Variants in OTOG observed in about 807,000 individuals in gnomAD.
OTOG encodes the protein otogelin.
In OTOG, 296 loss-of-function variants were observed where a neutral mutation model predicts 313.8. The observed-to-expected ratio is 0.94, with a 90% CI of 0.86 to 1.04. The LOEUF (loss-of-function observed/expected upper bound fraction) is 1.04, where lower values mean the gene tolerates loss of function less well. Ranked by LOEUF, OTOG falls within the 50% of genes least tolerant of loss-of-function variation. The pLI is 0.00. For missense variants in OTOG, 3,948 were observed against 3,840.1 expected, an observed-to-expected ratio of 1.03 and a Z score of -0.74; for synonymous variants, 1,533 against 1,554.9, an observed-to-expected ratio of 0.99 and a Z score of 0.33.
In OTOG at chr11:17,610,933, T is replaced by C; in HGVS notation, c.5633T>C (p.Leu1878Pro). 1 of 1,550,090 alleles carries C rather than the reference T, an allele frequency of 6.5e-7. No individual in the cohort carries two copies. ...GCAGGCACAGCTCCAGGCCTGCTGC[T>C]GGGAGCCACATTGCCAACCTCTGGA... ...PAAGTAPGLL[L>P]GATLPTSGVL... Residue 1878 changes from leucine (L) to proline (P), a missense_variant, in exon 36 of 56, where the codon CTG becomes CCG. Coordinates refer to ENST00000399397, the MANE Select transcript of OTOG (RefSeq NM_001292063.2).
At chr11:17,621,425 A>G (rs1853861496) in intron 39 of OTOG, among the ~76,000 whole-genome samples, 2 of 151,908 alleles carry the variant, frequency 1.3e-5, no homozygotes, top group Admixed American at 1.3e-4. Flanking sequence ...AGGTTTTTCT[A>G]CTATTCTCAG....
rs528476168 is a variant in OTOG at position 17,634,743 on chromosome 11, G to T, written c.7481-101G>T. 11 of 973,968 alleles carry T rather than the reference G, an allele frequency of 1.1e-5. No homozygotes were observed. In the South Asian group the frequency reaches 1.4e-4, roughly 13 times the overall value. 60.3% of individuals were successfully genotyped at this position (973,968 alleles called of 1,614,324 possible). A position where few individuals can be genotyped will look rare whatever the true frequency, so the allele number is the denominator to read the frequency against. On this transcript the variant is annotated intron_variant, in intron 44 of 55. Coordinates refer to ENST00000399397, the MANE Select transcript of OTOG (RefSeq NM_001292063.2). Reference sequence around the variant, plus strand: ...CCTGGGGGCTGGGGGGAGGAGTGGGGCCAGGCGTCCAGGGGTTGGGCAGTT... The same window carrying T: ...CCTGGGGGCTGGGGGGAGGAGTGGGTCCAGGCGTCCAGGGGTTGGGCAGTT...
chr11:17,609,176 G>T lies in OTOG; in HGVS notation c.4321G>T (p.Glu1441Ter). ...PVCPTPQVLD[E>*]VTQRCVYLED... ...GTGCCCCACCCCCCAGGTCCTGGATGAAGTCACACAGAGATGTGTCTACTT... is the reference window on the plus strand; with the variant it reads ...GTGCCCCACCCCCCAGGTCCTGGATTAAGTCACACAGAGATGTGTCTACTT... The change falls in exon 35 of 56, where the codon GAA becomes TAA. Residue 1441 changes from glutamate to a stop codon, truncating the protein, a stop_gained. Coordinates refer to ENST00000399397, the MANE Select transcript of OTOG (RefSeq NM_001292063.2). LOFTEE classifies it high-confidence loss of function. 6.4e-7 allele frequency: 1 copy of T among 1,550,570 alleles called. No individual in the cohort carries two copies. Among genetic ancestry groups the T allele is most frequent in the Non-Finnish European group, 8.7e-7 (1 of 1,146,944 alleles).
chr11:17,639,026 C>T (rs955677900), intron 48 of OTOG: 1 of 330,866 alleles, frequency 3.0e-6, no homozygotes, highest in Admixed American at 4.0e-5. Context: ...GCACTCCAGC[C>T]TGGGCGACAG....
chr11:17,600,897 A>G (rs555575012), intron 31 of OTOG, among the ~76,000 whole-genome samples: 1 of 151,732 alleles, frequency 6.6e-6, no homozygotes, highest in Middle Eastern at 3.4e-3. Flanking sequence ...TTCTACTAGC[A>G]TTTGCTCTGG....
chr11:17,612,058 C>T, intron 36 of OTOG, 104 bp from the exon 37 acceptor site: 1 of 1,363,160 alleles, frequency 7.3e-7, no homozygotes, highest in South Asian at 1.3e-5. Flanking sequence ...AGGTCCCCTG[C>T]CCCGCTAGGA....
At chr11:17,607,002 G>A (rs1351717846) in intron 33 of OTOG, among the ~76,000 whole-genome samples, 1 of 152,234 alleles carries the variant, frequency 6.6e-6, no homozygotes, top group East Asian at 1.9e-4. Context: ...CATGAGCCCA[G>A]GCTTTGAAGC....
In OTOG at chr11:17,609,743, G is replaced by A; in HGVS notation, c.4443G>A (p.Glu1481=). Residue 1481 remains glutamate (E), a synonymous_variant, in exon 36 of 56, where the codon GAG becomes GAA. Coordinates refer to ENST00000399397, the MANE Select transcript of OTOG (RefSeq NM_001292063.2). The part of the protein sequence containing the change: ...PSQGLPTPSD[E]EPQLSQESPR... ...AAGGGTTGCCCACTCCCAGTGATGA[G>A]GAGCCACAGCTGTCACAGGAAAGCC... The A allele has an allele frequency of 6.5e-7, 1 of 1,548,220 alleles. No homozygotes were observed.
Position 17,634,968 on chromosome 11 carries a change from G to GGT in OTOG, c.7585+20_7585+21insGT. 3 of 1,389,770 alleles carry GGT rather than the reference G, an allele frequency of 2.2e-6. No individual in the cohort carries two copies. Among genetic ancestry groups the GGT allele is most frequent in the Non-Finnish European group, 3.0e-6 (3 of 1,003,334 alleles). 86.1% of individuals were successfully genotyped at this position (1,389,770 alleles called of 1,614,324 possible). A position where few individuals can be genotyped will look rare whatever the true frequency, so the allele number is the denominator to read the frequency against. On this transcript the variant is annotated intron_variant, in intron 45 of 55. Coordinates refer to ENST00000399397, the MANE Select transcript of OTOG (RefSeq NM_001292063.2). The stretch of plus-strand genomic sequence containing the variant: ...GCTGTGGTGAGAGGCCCGGGGTGGG[G>GGT]AGGGTGGGGGACGGACTGAGGGCAG...
chr11:17,593,167 A>G (rs1020812134), intron 25 of OTOG, 26 bp from the exon 26 acceptor site: 2 of 1,541,072 alleles, frequency 1.3e-6, no homozygotes, highest in African/African-American at 1.4e-5. Context: ...CCCTTGTTTT[A>G]TTGGACTCAC....
Position 17,609,978 on chromosome 11 carries a change from G to A in OTOG, c.4678G>A (p.Ala1560Thr). The change falls in exon 36 of 56, where the codon GCC (alanine) becomes ACC (threonine). Residue 1560 changes from alanine (A) to threonine (T), a missense_variant. Ala to Thr is a moderately conservative substitution (Grantham distance 58, BLOSUM62 0). Transcript: ENST00000399397. ...ASKGVTASLL[A>T]IPHTPESSSL... ...CAAGGGAGTGACTGCCAGCCTCCTGGCCATCCCCCATACACCAGAGTCCTC... is the reference window on the plus strand; with the variant it reads ...CAAGGGAGTGACTGCCAGCCTCCTGACCATCCCCCATACACCAGAGTCCTC... 6.5e-7 allele frequency: 1 copy of A among 1,542,808 alleles called. No individual in the cohort carries two copies. Among genetic ancestry groups the A allele is most frequent in the African/African-American group, 1.4e-5 (1 of 73,000 alleles).
intron 15 of OTOG, among the ~76,000 whole-genome samples, chr11:17,562,823 C>G (rs937884172): frequency 2.6e-5 from 4 of 152,186 alleles, no homozygotes; most frequent in Admixed American, 2.6e-4. Context: ...TTTTGTCCTT[C>G]CTTCTGCAAA....
intron 39 of OTOG, among the ~76,000 whole-genome samples, chr11:17,616,240 A>G (rs900548319): frequency 1.3e-5 from 2 of 152,076 alleles, no homozygotes; most frequent in Non-Finnish European, 2.9e-5. Flanking sequence ...AATTTTGTAT[A>G]GAGATGGGGT....
chr11:17,563,697 T>G (rs1034209379), intron 15 of OTOG, among the ~76,000 whole-genome samples: 1 of 151,826 alleles, frequency 6.6e-6, no homozygotes, highest in Non-Finnish European at 1.5e-5. Flanking sequence ...CCTTTTTTTT[T>G]GGAGACAGGA....
chr11:17,614,777 T>C (rs1483092315), intron 39 of OTOG, among the ~76,000 whole-genome samples: 1 of 152,248 alleles, frequency 6.6e-6, no homozygotes, highest in Non-Finnish European at 1.5e-5. Context: ...CCATAGTTTA[T>C]TTATCCATTA....
chr11:17,598,187 AG>A (rs1853158837), intron 30 of OTOG, among the ~76,000 whole-genome samples: 1 of 152,188 alleles, frequency 6.6e-6, no homozygotes, highest in South Asian at 2.1e-4. Flanking sequence ...GAGGTGATTG[AG>A]GTGCTTACCT....
chr11:17,612,159 C>T lies in OTOG; in HGVS notation c.6124-3C>T. ...ACTCACACTTCCTCCACTCTGTACC[C>T]AGCCAATCGCCGAGCAGGACTGCGT... On this transcript the variant is annotated splice_polypyrimidine_tract_variant and splice_region_variant and intron_variant, in intron 36 of 55. Transcript: ENST00000399397. 5 of 1,549,338 alleles carry T rather than the reference C, an allele frequency of 3.2e-6. No homozygotes were observed. The highest frequency in any genetic ancestry group is 4.4e-6 in the Non-Finnish European group (5 of 1,146,968).
At chr11:17,617,249 G>A (rs918745148) in intron 39 of OTOG, among the ~76,000 whole-genome samples, 3 of 152,054 alleles carry the variant, frequency 2.0e-5, no homozygotes, top group Non-Finnish European at 4.4e-5. Context: ...CCTTATGATA[G>A]GTATTAGTCT....
chr11:17,605,686 G>A (rs1327617910), intron 32 of OTOG, among the ~76,000 whole-genome samples, 171 bp from the exon 33 acceptor site: 2 of 152,168 alleles, frequency 1.3e-5, no homozygotes, highest in African/African-American at 4.8e-5. Flanking sequence ...GTGAGGGGCA[G>A]CTGGCAGGCA....
Sources: gnomAD v4.1 joint callset for allele counts (sites outside exome capture counted in the v4.1 genomes callset) on GRCh38, gnomAD v4.1.1 for gene constraint, MANE v1.5 for transcripts, NCBI Gene and HGNC (gene_info 2026-07-23, HGNC 2026-07-21) for gene names.